The following CLIC5 variants were observed in gnomAD, a reference collection of about 807,000 sequenced individuals.
CLIC5 encodes the protein chloride intracellular channel protein 5.
In CLIC5, 20 loss-of-function variants were observed where a neutral mutation model predicts 24.7. That is an observed-to-expected ratio of 0.81 (90% confidence interval 0.57 to 1.18). The LOEUF (loss-of-function observed/expected upper bound fraction) is 1.18, where lower values mean the gene tolerates loss of function less well. CLIC5 is among the 50% of genes most tolerant of loss of function. CLIC5 has a pLI of 0.00. For missense variants in CLIC5, 341 were observed against 326.1 expected (o/e 1.05, Z -0.35); for synonymous variants, 159 against 135.6 (o/e 1.17, Z -1.20).
At chr6:46,019,422 C>A (rs1767110467), upstream of CLIC5, among the ~76,000 whole-genome samples, 1 of 151,534 alleles carries the variant, frequency 6.6e-6, no homozygotes, top group African/African-American at 2.4e-5. Flanking sequence ...CGCGGTGGCT[C>A]ACGCCTGTAA....
At chr6:45,969,098 C>T (rs1290355736) in intron 1 of CLIC5, among the ~76,000 whole-genome samples, 1 of 152,176 alleles carries the variant, frequency 6.6e-6, no homozygotes, top group East Asian at 1.9e-4. Context: ...ATTCCAATGG[C>T]TGAGTAGAGA....
intron 4 of CLIC5, among the ~76,000 whole-genome samples, chr6:45,925,535 T>G (rs572516932): frequency 7.9e-5 from 12 of 152,316 alleles, no homozygotes; most frequent in African/African-American, 2.9e-4. Flanking sequence ...CAGGCTGGTC[T>G]TGAACTCCTG....
At chr6:46,116,566 G>A in the CLIC5 span, among the ~76,000 whole-genome samples, 2 of 152,170 alleles carry the variant, frequency 1.3e-5, no homozygotes, top group Non-Finnish European at 2.9e-5. Context: ...CACAGTATCT[G>A]ACACATGTTA....
chr6:46,122,631 T>A, the CLIC5 span, among the ~76,000 whole-genome samples: 1 of 152,052 alleles, frequency 6.6e-6, no homozygotes, highest in Non-Finnish European at 1.5e-5. Flanking sequence ...AAAAAATCAA[T>A]GAATCCGGGA....
intron 1 of CLIC5, among the ~76,000 whole-genome samples, chr6:45,965,228 A>G (rs1764978818): frequency 6.6e-6 from 1 of 152,226 alleles, no homozygotes; most frequent in South Asian, 2.1e-4. Flanking sequence ...GGAGAGAGGG[A>G]AAAGTGACTC....
Position 45,965,867 on chromosome 6 carries a change from AT to A in CLIC5, c.64-10624del, listed in dbSNP as rs541117912. ...TTGATCGTGAATCCATTCCCCCTAT[AT>A]TTAAGGAATAAGCCTGCAATTCCTA... On this transcript the variant is annotated intron_variant, in intron 1 of 5. Coordinates refer to ENST00000339561, the MANE Select transcript of CLIC5 (RefSeq NM_016929.5). Among the ~76,000 whole-genome samples, 96 of 152,326 alleles carry A rather than the reference AT, an allele frequency of 6.3e-4. 1 individual carries two copies. In the South Asian group the frequency reaches 0.016, roughly 25 times the overall value.
intron 2 of CLIC5, among the ~76,000 whole-genome samples, chr6:45,953,165 T>C (rs1473558872): frequency 6.6e-6 from 1 of 152,184 alleles, no homozygotes; most frequent in Admixed American, 6.5e-5. Context: ...GAGTCTCATA[T>C]ATATCTGTCT....
chr6:46,080,866 A>G (rs552866859), upstream of CLIC5, among the ~76,000 whole-genome samples: 21 of 152,350 alleles, frequency 1.4e-4, no homozygotes, highest in African/African-American at 4.8e-4. Flanking sequence ...AAAAGAAGAT[A>G]AATGCTCTGG....
intron 4 of CLIC5, chr6:45,914,666 A>C: frequency 3.9e-6 from 2 of 510,134 alleles, no homozygotes; most frequent in Non-Finnish European, 5.3e-6. Context: ...AAATATAGAA[A>C]CACAGTCTGG....
chr6:46,053,515 A>T (rs1465778092), intron 1 of CLIC5, among the ~76,000 whole-genome samples: 1 of 152,200 alleles, frequency 6.6e-6, no homozygotes, highest in Non-Finnish European at 1.5e-5. Context: ...CCTATACTGA[A>T]CAGTGCTGCT....
chr6:46,030,972 A>G (rs1767481454), intron 1 of CLIC5, among the ~76,000 whole-genome samples: 1 of 152,104 alleles, frequency 6.6e-6, no homozygotes, highest in Non-Finnish European at 1.5e-5. Flanking sequence ...GCCCTAACAA[A>G]CCATCATGTT....
intron 5 of CLIC5, among the ~76,000 whole-genome samples, chr6:45,907,654 G>A (rs190941213): frequency 5.0e-4 from 76 of 152,106 alleles, no homozygotes; most frequent in Non-Finnish European, 3.4e-4. Context: ...ACCTAGTCTG[G>A]GGCTTTTACT....
the CLIC5 span, among the ~76,000 whole-genome samples, chr6:46,117,091 TTGTCCCTG>T: frequency 2.0e-5 from 3 of 152,204 alleles, no homozygotes; most frequent in African/African-American, 7.2e-5. Context: ...TGACCTCAAA[TTGTCCCTG>T]GCCAATCTGA....
At chr6:45,928,795 T>TGTGTGTAG (rs200432038) in intron 4 of CLIC5, among the ~76,000 whole-genome samples, 2 of 148,364 alleles carry the variant, frequency 1.3e-5, no homozygotes, top group African/African-American at 5.0e-5. Context: ...TGTGTGTGTG[T>TGTGTGTAG]AGAGAGAGAG....
chr6:46,054,476 C>A (rs888700468), intron 1 of CLIC5, among the ~76,000 whole-genome samples: 1 of 152,208 alleles, frequency 6.6e-6, no homozygotes, highest in Non-Finnish European at 1.5e-5. Context: ...CCACTTTCAA[C>A]CCCCTTATGC....
At chr6:45,895,639 T>C (rs1462142915), downstream of CLIC5, among the ~76,000 whole-genome samples, 1 of 152,202 alleles carries the variant, frequency 6.6e-6, no homozygotes, top group Non-Finnish European at 1.5e-5. Context: ...TAATAAATAC[T>C]TTTGAGCATC....
intron 1 of CLIC5, among the ~76,000 whole-genome samples, chr6:45,991,776 G>T (rs1250094816): frequency 6.6e-6 from 1 of 152,074 alleles, no homozygotes; most frequent in Non-Finnish European, 1.5e-5. Context: ...GTGAGCAGAG[G>T]GTTGCTATAG....
chr6:45,982,493 C>A (rs1028067397), intron 1 of CLIC5, among the ~76,000 whole-genome samples: 1 of 152,052 alleles, frequency 6.6e-6, no homozygotes, highest in Non-Finnish European at 1.5e-5. Flanking sequence ...TAGTTCCAGC[C>A]TACTACACAC....
At chr6:45,984,418 T>G (rs978826449) in intron 1 of CLIC5, among the ~76,000 whole-genome samples, 2 of 152,186 alleles carry the variant, frequency 1.3e-5, no homozygotes, top group Non-Finnish European at 2.9e-5. Context: ...GACATTGACT[T>G]CTACCCGGCT....
Sources: gnomAD v4.1 joint callset for allele counts (sites outside exome capture counted in the v4.1 genomes callset) on GRCh38, gnomAD v4.1.1 for gene constraint, MANE v1.5 for transcripts, NCBI Gene and HGNC (gene_info 2026-07-23, HGNC 2026-07-21) for gene names.